Variants in CFAP299 observed in about 807,000 individuals in gnomAD.
CFAP299 encodes the protein cilia- and flagella-associated protein 299.
Under a neutral mutation model 27.0 loss-of-function variants are expected in CFAP299, and 21 were observed. The observed-to-expected ratio is 0.78, with a 90% CI of 0.55 to 1.12. The LOEUF (loss-of-function observed/expected upper bound fraction) is 1.12, where lower values mean the gene tolerates loss of function less well. CFAP299 is among the 50% of genes most tolerant of loss of function. The probability of loss-of-function intolerance (pLI) is 0.00; values close to 1 mark genes in which losing one functional copy is unlikely to be tolerated. For synonymous variants in CFAP299, 104 were observed against 98.1 expected, an observed-to-expected ratio of 1.06 and a Z score of -0.36; for missense variants, 310 against 276.6, an observed-to-expected ratio of 1.12 and a Z score of -0.86.
At chr4:80,792,083 T>A (rs1727605815) in intron 3 of CFAP299, among the ~76,000 whole-genome samples, 2 of 152,188 alleles carry the variant, frequency 1.3e-5, no homozygotes, top group South Asian at 4.1e-4. Context: ...TGACTTTGTG[T>A]CTGTAGCTTG....
At chr4:80,892,907 G>A (rs772150218) in intron 4 of CFAP299, among the ~76,000 whole-genome samples, 3 of 151,792 alleles carry the variant, frequency 2.0e-5, no homozygotes, top group Admixed American at 1.3e-4. Flanking sequence ...GAAATTAAAG[G>A]CTTCCAAATC....
At chr4:80,689,623 A>C (rs972931365) in intron 3 of CFAP299, among the ~76,000 whole-genome samples, 9 of 152,180 alleles carry the variant, frequency 5.9e-5, no homozygotes, top group African/African-American at 1.2e-4. Flanking sequence ...ACTAGGCAGA[A>C]ACTGCATCAA....
At chr4:80,803,514 C>T (rs1728714797) in intron 3 of CFAP299, among the ~76,000 whole-genome samples, 1 of 151,806 alleles carries the variant, frequency 6.6e-6, no homozygotes, top group African/African-American at 2.4e-5. Context: ...ACATCTAAAG[C>T]CCAGCTAAGA....
rs180793677 is a variant in CFAP299 at position 80,829,912 on chromosome 4, G to C, written c.334-40081G>C. On this transcript the variant is annotated intron_variant, in intron 3 of 5. Coordinates refer to ENST00000358105, the MANE Select transcript of CFAP299 (RefSeq NM_152770.3). Reference sequence around the variant, plus strand: ...ACAGAAAGTAGAGTGGTGGCTACCAGAGGCTAGGGGAAGGCAGGGAATGGG... The same window carrying C: ...ACAGAAAGTAGAGTGGTGGCTACCACAGGCTAGGGGAAGGCAGGGAATGGG... 7.9e-5 allele frequency among the ~76,000 whole-genome samples: 12 copies of C among 152,184 alleles called. No individual in the cohort carries two copies. The East Asian group carries it at 2.3e-3, about 29-fold the overall frequency.
intron 4 of CFAP299, among the ~76,000 whole-genome samples, chr4:80,939,631 C>T (rs1737092716): frequency 6.6e-6 from 1 of 152,282 alleles, no homozygotes; most frequent in South Asian, 2.1e-4. Flanking sequence ...TAATTTGTCA[C>T]ACAACTTGTA....
At chr4:80,654,056 G>A (rs1417120919) in intron 3 of CFAP299, among the ~76,000 whole-genome samples, 1 of 152,114 alleles carries the variant, frequency 6.6e-6, no homozygotes, top group Non-Finnish European at 1.5e-5. Flanking sequence ...TATGACATTT[G>A]GGTTATACAG....
At chr4:80,684,660 C>A (rs1720070928) in intron 3 of CFAP299, among the ~76,000 whole-genome samples, 1 of 151,362 alleles carries the variant, frequency 6.6e-6, no homozygotes, top group Non-Finnish European at 1.5e-5. Context: ...AACTAGACCT[C>A]ATCTGTTCTA....
intron 3 of CFAP299, among the ~76,000 whole-genome samples, chr4:80,829,413 C>A (rs1054135745): frequency 4.6e-5 from 7 of 151,746 alleles, no homozygotes; most frequent in African/African-American, 1.5e-4. Context: ...TACTATCAAG[C>A]AAAACAGAAA....
At chr4:80,668,515 T>C (rs945184721) in intron 3 of CFAP299, among the ~76,000 whole-genome samples, 1 of 152,154 alleles carries the variant, frequency 6.6e-6, no homozygotes, top group African/African-American at 2.4e-5. Flanking sequence ...TATTCTTCTG[T>C]GTTGATTATC....
At chr4:80,890,510 G>T (rs60575091) in intron 4 of CFAP299, among the ~76,000 whole-genome samples, 1 of 151,742 alleles carries the variant, frequency 6.6e-6, no homozygotes, top group African/African-American at 2.4e-5. Context: ...GAATAGTGCC[G>T]CAATAAACAT....
intron 4 of CFAP299, among the ~76,000 whole-genome samples, chr4:80,891,824 T>G (rs1401264385): frequency 2.2e-5 from 1 of 45,034 alleles, no homozygotes; most frequent in Non-Finnish European, 4.1e-5. Flanking sequence ...AAGCCCTAGA[T>G]TAAAGGAAAA....
intron 3 of CFAP299, among the ~76,000 whole-genome samples, chr4:80,708,993 A>G (rs951531781): frequency 6.6e-6 from 1 of 152,186 alleles, no homozygotes; most frequent in African/African-American, 2.4e-5. Flanking sequence ...CAAAAGTAAC[A>G]CAAAATAAAT....
At chr4:80,664,716 C>T (rs554246325) in intron 3 of CFAP299, among the ~76,000 whole-genome samples, 69 of 152,132 alleles carry the variant, frequency 4.5e-4, no homozygotes, top group African/African-American at 1.6e-3. Flanking sequence ...CCTGGTTCAG[C>T]CCCCTTTCCA....
chr4:80,670,119 C>A (rs569687858), intron 3 of CFAP299, among the ~76,000 whole-genome samples: 1 of 152,076 alleles, frequency 6.6e-6, no homozygotes, highest in Non-Finnish European at 1.5e-5. Context: ...GGTATTTCTC[C>A]TAATGCTATC....
At chr4:80,612,791 T>C (rs1738063497) in intron 3 of CFAP299, among the ~76,000 whole-genome samples, 1 of 152,140 alleles carries the variant, frequency 6.6e-6, no homozygotes, top group Admixed American at 6.5e-5. Context: ...ATTAGGTACA[T>C]AGTTTTAAAT....
chr4:80,574,086 A>G (rs1735729059), intron 2 of CFAP299, among the ~76,000 whole-genome samples: 1 of 152,128 alleles, frequency 6.6e-6, no homozygotes, highest in Non-Finnish European at 1.5e-5. Flanking sequence ...CTTCCAATCC[A>G]TGAACATGGT....
chr4:80,603,988 T>G (rs1362448086), intron 3 of CFAP299, among the ~76,000 whole-genome samples: 3 of 152,122 alleles, frequency 2.0e-5, no homozygotes, highest in Non-Finnish European at 4.4e-5. Context: ...AAAGACAAAG[T>G]GTTCACTTAA....
chr4:80,741,109 A>G (rs1162358711), intron 3 of CFAP299, among the ~76,000 whole-genome samples: 1 of 152,158 alleles, frequency 6.6e-6, no homozygotes, highest in Admixed American at 6.5e-5. Flanking sequence ...TTCAAACAGA[A>G]GGAGTCTCTC....
chr4:80,654,784 C>CTTTTT (rs369680550), intron 3 of CFAP299, among the ~76,000 whole-genome samples: 1 of 126,794 alleles, frequency 7.9e-6, no homozygotes, highest in Non-Finnish European at 1.7e-5. Flanking sequence ...TAATTTTTAA[C>CTTTTT]TTTTTTTTTT....
Sources: allele counts gnomAD v4.1 joint callset (sites outside exome capture counted in the v4.1 genomes callset), GRCh38; gene constraint gnomAD v4.1.1; transcripts MANE v1.5; gene names NCBI Gene and HGNC (gene_info 2026-07-23, HGNC 2026-07-21).